Variants in MALL observed in about 807,000 individuals in gnomAD.
The protein encoded by MALL is MAL-like protein.
In MALL, 2 loss-of-function variants were observed where a neutral mutation model predicts 10.3. The observed-to-expected ratio is 0.19, with a 90% confidence interval of 0.08 to 0.61. The LOEUF (loss-of-function observed/expected upper bound fraction) is 0.61. Ranked by LOEUF, MALL falls within the 20% of genes least tolerant of loss-of-function variation. The pLI is 0.88. For synonymous variants in MALL, 27 were observed against 51.8 expected (o/e 0.52, Z 2.05); for missense variants, 39 against 115.2 (o/e 0.34, Z 3.03).
intron 1 of MALL, among the ~76,000 whole-genome samples, chr2:110,109,461 C>T (rs1188659976): frequency 2.0e-5 from 3 of 152,106 alleles, no homozygotes; most frequent in African/African-American, 4.8e-5. Flanking sequence ...CAAAGAGGGA[C>T]AGTATATAAC....
At chr2:110,102,746 G>A (rs980925931) in intron 1 of MALL, among the ~76,000 whole-genome samples, 1 of 152,110 alleles carries the variant, frequency 6.6e-6, no homozygotes, top group Non-Finnish European at 1.5e-5. Flanking sequence ...AATTCTCACA[G>A]TAGGGTAGGG....
At chr2:110,115,968 A>G, upstream of MALL, 1 of 394,550 alleles carries the variant, frequency 2.5e-6, no homozygotes, top group Non-Finnish European at 4.4e-6. Flanking sequence ...TGGGCGGCCC[A>G]GCGGCATCGG....
At chr2:110,116,972 G>A (rs930467402), upstream of MALL, among the ~76,000 whole-genome samples, 2 of 152,186 alleles carry the variant, frequency 1.3e-5, no homozygotes, top group Non-Finnish European at 2.9e-5. Context: ...GGCCACAGGT[G>A]GGGAGACCAG....
At chr2:110,112,757 CATT>C (rs1460122188) in intron 1 of MALL, among the ~76,000 whole-genome samples, 1 of 151,870 alleles carries the variant, frequency 6.6e-6, no homozygotes, top group Non-Finnish European at 1.5e-5. Flanking sequence ...GAAAAGAAGT[CATT>C]ATTCAAAAAA....
intron 1 of MALL, 76 bp downstream of exon 1, chr2:110,115,612 T>C: frequency 1.5e-6 from 1 of 683,952 alleles, no homozygotes; most frequent in South Asian, 7.7e-5. Context: ...CTCTCTCTTC[T>C]CGGTCCGGTC....
At chr2:110,096,087 G>A (rs532739685) in intron 1 of MALL, among the ~76,000 whole-genome samples, 2 of 152,266 alleles carry the variant, frequency 1.3e-5, no homozygotes, top group East Asian at 1.9e-4. Flanking sequence ...TCAAATATAC[G>A]CATACCTGAG....
intron 1 of MALL, 102 bp downstream of exon 1, chr2:110,115,586 T>C (rs1317234019): frequency 9.0e-6 from 4 of 443,384 alleles, no homozygotes; most frequent in Non-Finnish European, 1.3e-5. Flanking sequence ...CTCTCTCTTC[T>C]CGGTCCGGTC....
chr2:110,105,861 G>C (rs1313956427), intron 1 of MALL, among the ~76,000 whole-genome samples: 1 of 152,146 alleles, frequency 6.6e-6, no homozygotes, highest in East Asian at 1.9e-4. Flanking sequence ...GAAGCCCCTG[G>C]CTTCAGTGAG....
At chr2:110,104,252 T>C (rs1412479790) in intron 1 of MALL, among the ~76,000 whole-genome samples, 4 of 152,278 alleles carry the variant, frequency 2.6e-5, no homozygotes, top group East Asian at 1.9e-4. Context: ...TTCTCTGGAT[T>C]GTTCAGTGAC....
At chr2:110,108,677 A>G (rs1238788766) in intron 1 of MALL, among the ~76,000 whole-genome samples, 2 of 152,192 alleles carry the variant, frequency 1.3e-5, no homozygotes, top group Non-Finnish European at 2.9e-5. Flanking sequence ...GCCAAATATA[A>G]GAAGCACAAA....
chr2:110,108,876 G>A (rs1411123777), intron 1 of MALL, among the ~76,000 whole-genome samples: 4 of 152,244 alleles, frequency 2.6e-5, no homozygotes, highest in Non-Finnish European at 4.4e-5. Flanking sequence ...AAGAGACTGC[G>A]GACCTATCTT....
At chr2:110,108,347 C>A (rs1678737818) in intron 1 of MALL, among the ~76,000 whole-genome samples, 1 of 151,900 alleles carries the variant, frequency 6.6e-6, no homozygotes, top group Non-Finnish European at 1.5e-5. Flanking sequence ...AAAAAACAGT[C>A]AAAAATTCAG....
chr2:110,112,114 T>G (rs1281364565), intron 1 of MALL, among the ~76,000 whole-genome samples: 1 of 152,160 alleles, frequency 6.6e-6, no homozygotes, highest in Non-Finnish European at 1.5e-5. Context: ...ACTTAAGACC[T>G]GAAATTACAA....
At chr2:110,099,458 A>C (rs569548686) in intron 1 of MALL, among the ~76,000 whole-genome samples, 1 of 152,336 alleles carries the variant, frequency 6.6e-6, no homozygotes, top group Non-Finnish European at 1.5e-5. Flanking sequence ...ATTATCTTCC[A>C]TCAAGTTGAT....
At chr2:110,099,991 C>G (rs1678528527) in intron 1 of MALL, among the ~76,000 whole-genome samples, 1 of 152,034 alleles carries the variant, frequency 6.6e-6, no homozygotes, top group Non-Finnish European at 1.5e-5. Flanking sequence ...TGCGGGTCGC[C>G]CATACCCCTC....
intron 1 of MALL, among the ~76,000 whole-genome samples, chr2:110,103,521 G>T (rs1427420602): frequency 2.6e-5 from 4 of 152,162 alleles, no homozygotes; most frequent in Admixed American, 2.0e-4. Context: ...GACTCCCACA[G>T]ATCTGCCCCG....
chr2:110,115,637 G>T, intron 1 of MALL, 51 bp downstream of exon 1: 1 of 1,088,124 alleles, frequency 9.2e-7, no homozygotes, highest in Non-Finnish European at 1.2e-6. Context: ...TCCGAGGCCG[G>T]TCTCCCCCTC....
intron 1 of MALL, among the ~76,000 whole-genome samples, chr2:110,101,748 A>C (rs1334172428): frequency 6.6e-6 from 1 of 152,148 alleles, no homozygotes. Context: ...CTGACCAAAC[A>C]GCACAGATTT....
At chr2:110,099,076 CAA>C (rs1678507237) in intron 1 of MALL, among the ~76,000 whole-genome samples, 2 of 152,146 alleles carry the variant, frequency 1.3e-5, no homozygotes, top group Admixed American at 6.5e-5. Context: ...CAAAATGCCT[CAA>C]GAGTCACAGC....
Sources: gnomAD v4.1 joint callset for allele counts (sites outside exome capture counted in the v4.1 genomes callset) on GRCh38, gnomAD v4.1.1 for gene constraint, MANE v1.5 for transcripts, NCBI Gene and HGNC (gene_info 2026-07-23, HGNC 2026-07-21) for gene names.